HCN1: variants seen among roughly 807,000 people sequenced by gnomAD.
HCN1 encodes the protein potassium/sodium hyperpolarization-activated cyclic nucleotide-gated channel 1.
A neutral mutation model predicts 78.9 loss-of-function variants in HCN1; 13 were observed. The observed-to-expected ratio is 0.16, with a 90% CI of 0.11 to 0.26. The LOEUF is 0.26. HCN1 is among the 10% of genes least tolerant of loss of function. HCN1 has a pLI of 1.00. For synonymous variants in HCN1, 552 were observed against 455.5 expected, an observed-to-expected ratio of 1.21 and a Z score of -2.70; for missense variants, 810 against 1,154.3, an observed-to-expected ratio of 0.70 and a Z score of 4.32.
At chr5:45,658,974 C>A (rs1330336899) in intron 1 of HCN1, among the ~76,000 whole-genome samples, 1 of 148,432 alleles carries the variant, frequency 6.7e-6, no homozygotes, top group Non-Finnish European at 1.5e-5. Context: ...GGCCTGCCTG[C>A]CTCTGTAGGC....
rs570887060 is a variant in HCN1 at position 45,313,910 on chromosome 5, C to T, written c.1378-10071G>A. 2.8e-3 allele frequency among the ~76,000 whole-genome samples: 425 copies of T among 152,216 alleles called. 5 individuals carry two copies. Among genetic ancestry groups the T allele is most frequent in the Non-Finnish European group, 3.5e-3 (241 of 68,018 alleles). On this transcript the variant is annotated intron_variant, in intron 5 of 7. Transcript: ENST00000303230. ...ATCTGATTGGTGTACCTGAAAGTGA[C>T]GGAGAGAATACAACCAAGTTGGAAA...
intron 3 of HCN1, among the ~76,000 whole-genome samples, chr5:45,443,207 T>C (rs1006546622): frequency 6.6e-6 from 1 of 152,070 alleles, no homozygotes; most frequent in African/African-American, 2.4e-5. Context: ...AAGAGGCATA[T>C]ACAGGGCACT....
At chr5:45,459,264 T>G (rs1741093245) in intron 3 of HCN1, among the ~76,000 whole-genome samples, 1 of 151,624 alleles carries the variant, frequency 6.6e-6, no homozygotes. Context: ...TAAAATAAAA[T>G]AAAATAAAAT....
chr5:45,306,596 C>G (rs1745738527), intron 5 of HCN1, among the ~76,000 whole-genome samples: 2 of 152,014 alleles, frequency 1.3e-5, no homozygotes. Flanking sequence ...CTTTCATTCT[C>G]CCATGAAAAC....
At chr5:45,606,124 A>G (rs972883348) in intron 2 of HCN1, among the ~76,000 whole-genome samples, 1 of 151,950 alleles carries the variant, frequency 6.6e-6, no homozygotes, top group African/African-American at 2.4e-5. Flanking sequence ...GAACACCATG[A>G]CTCTTATACT....
At chr5:45,593,338 TCTCACACACACA>T (rs1477440222) in intron 2 of HCN1, among the ~76,000 whole-genome samples, 1 of 120,118 alleles carries the variant, frequency 8.3e-6, no homozygotes, top group Non-Finnish European at 1.8e-5. Flanking sequence ...TCTCTCTCTC[TCTCACACACACA>T]CACACACACA....
intron 2 of HCN1, among the ~76,000 whole-genome samples, chr5:45,552,570 G>C (rs970926165): frequency 5.3e-5 from 8 of 151,898 alleles, no homozygotes; most frequent in African/African-American, 1.9e-4. Context: ...CTATGGTAAA[G>C]CTATCATCAT....
At chr5:45,452,289 C>A (rs1740934452) in intron 3 of HCN1, among the ~76,000 whole-genome samples, 1 of 150,866 alleles carries the variant, frequency 6.6e-6, no homozygotes, top group African/African-American at 2.4e-5. Context: ...TTCTGAGGCA[C>A]CTAGCTGGTA....
chr5:45,462,555 G>A (rs1423237129), intron 2 of HCN1, among the ~76,000 whole-genome samples: 1 of 152,006 alleles, frequency 6.6e-6, no homozygotes, highest in Non-Finnish European at 1.5e-5. Context: ...ATAAATAGAA[G>A]CCTTTGAGAT....
chr5:45,597,413 A>G (rs1744524113), intron 2 of HCN1, among the ~76,000 whole-genome samples: 2 of 152,180 alleles, frequency 1.3e-5, no homozygotes, highest in Non-Finnish European at 2.9e-5. Flanking sequence ...TTGATAGAAC[A>G]TATCTCAAAT....
rs752579418 is a variant in HCN1, at chr5:45,645,398, C to T, written c.636G>A (p.Val212=). ...AGCTTTTTAAATAATTCATCTTGAT[C>T]ACTTTGGGGTCCAGGATGATTTCAG... ...DSSEIILDPK[V]IKMNYLKSWF... Residue 212 remains valine (V), a synonymous_variant, in exon 2 of 8, where the codon GTG becomes GTA. Transcript: ENST00000303230. 6.2e-7 allele frequency: 1 copy of T among 1,613,434 alleles called. No homozygotes were observed. Among genetic ancestry groups the T allele is most frequent in the Non-Finnish European group, 8.5e-7 (1 of 1,179,728 alleles).
chr5:45,390,258 T>A (rs1321510705), intron 4 of HCN1, among the ~76,000 whole-genome samples: 1 of 152,178 alleles, frequency 6.6e-6, no homozygotes, highest in African/African-American at 2.4e-5. Context: ...TCAATGTGGG[T>A]TCTTATCAGA....
chr5:45,281,900 C>T (rs1181621926), intron 6 of HCN1, among the ~76,000 whole-genome samples: 1 of 151,890 alleles, frequency 6.6e-6, no homozygotes, highest in Non-Finnish European at 1.5e-5. Context: ...AAGAGCTCTT[C>T]TTTTTGGCTA....
intron 2 of HCN1, among the ~76,000 whole-genome samples, chr5:45,483,580 C>T (rs1177067599): frequency 6.6e-6 from 1 of 152,122 alleles, no homozygotes; most frequent in Non-Finnish European, 1.5e-5. Context: ...TGTCTGTTTA[C>T]TTTGTTGACG....
chr5:45,625,804 CACCAAA>C (rs1380471190), intron 2 of HCN1, among the ~76,000 whole-genome samples: 3 of 150,720 alleles, frequency 2.0e-5, no homozygotes, highest in East Asian at 3.9e-4. Context: ...TTATTGCAAA[CACCAAA>C]ACCAAAACCA....
intron 2 of HCN1, among the ~76,000 whole-genome samples, chr5:45,631,154 C>T (rs1012955617): frequency 1.3e-5 from 2 of 152,108 alleles, no homozygotes; most frequent in Middle Eastern, 6.3e-3. Context: ...CTTGGTGATC[C>T]GTTCAAGACA....
At chr5:45,620,229 T>C (rs1745029524) in intron 2 of HCN1, among the ~76,000 whole-genome samples, 1 of 152,016 alleles carries the variant, frequency 6.6e-6, no homozygotes. Flanking sequence ...CTAATAGTGA[T>C]GTGGTATGCA....
chr5:45,411,359 G>GTT (rs551445509), intron 3 of HCN1, among the ~76,000 whole-genome samples: 1 of 143,266 alleles, frequency 7.0e-6, no homozygotes, highest in Non-Finnish European at 1.5e-5. Flanking sequence ...TTTAACTTCT[G>GTT]TTTTTTTTTT....
intron 4 of HCN1, among the ~76,000 whole-genome samples, chr5:45,375,263 TTATAATA>T (rs1383408928): frequency 4.5e-4 from 53 of 118,338 alleles, no homozygotes; most frequent in African/African-American, 1.6e-3. Flanking sequence ...ATATAATATT[TTATAATA>T]TATAATATAT....
Sources: gnomAD v4.1 joint callset for allele counts (sites outside exome capture counted in the v4.1 genomes callset) on GRCh38, gnomAD v4.1.1 for gene constraint, MANE v1.5 for transcripts, NCBI Gene and HGNC (gene_info 2026-07-23, HGNC 2026-07-21) for gene names.